The following PDZRN3 variants were observed in gnomAD, a reference collection of about 807,000 sequenced individuals.
PDZRN3 encodes the protein PDZ domain containing ring finger 3.
Under a neutral mutation model 85.7 loss-of-function variants are expected in PDZRN3, and 38 were observed. The observed-to-expected ratio is 0.44, with a 90% CI of 0.34 to 0.58. The LOEUF is 0.58. Among genes scored for constraint, PDZRN3 ranks in the 20% least tolerant of loss-of-function variants. The probability of loss-of-function intolerance (pLI) is 0.01; values close to 1 mark genes in which losing one functional copy is unlikely to be tolerated. For synonymous variants in PDZRN3, 759 were observed against 638.0 expected (o/e 1.19, Z -2.86); for missense variants, 1,629 against 1,506.4 (o/e 1.08, Z -1.35).
At chr3:73,406,628 C>A (rs1194242154) in intron 3 of PDZRN3, among the ~76,000 whole-genome samples, 1 of 152,178 alleles carries the variant, frequency 6.6e-6, no homozygotes, top group Non-Finnish European at 1.5e-5. Flanking sequence ...GTTATACCCA[C>A]AATGAATTCA....
chr3:73,562,982 A>ATT (rs1327799378), intron 3 of PDZRN3, among the ~76,000 whole-genome samples: 7 of 26,532 alleles, frequency 2.6e-4, no homozygotes, highest in Admixed American at 1.1e-3. Flanking sequence ...AAGTTGGCAA[A>ATT]TTATATATAT....
chr3:73,400,863 T>G, intron 5 of PDZRN3, 59 bp downstream of exon 5: 1 of 1,177,290 alleles, frequency 8.5e-7, no homozygotes, highest in Admixed American at 1.7e-5. Context: ...AGAGAACTTA[T>G]TAGGCATTCT....
intron 3 of PDZRN3, among the ~76,000 whole-genome samples, chr3:73,584,555 TATTA>T (rs937656879): frequency 1.3e-5 from 2 of 151,814 alleles, no homozygotes; most frequent in African/African-American, 2.4e-5. Flanking sequence ...ACAGAGAAAA[TATTA>T]ATTAAATTTA....
chr3:73,486,969 A>G (rs190042784), intron 3 of PDZRN3, among the ~76,000 whole-genome samples: 16 of 152,158 alleles, frequency 1.1e-4, no homozygotes, highest in African/African-American at 3.9e-4. Flanking sequence ...TTTTTGCTCC[A>G]AAGTTGGTGC....
Position 73,441,411 on chromosome 3 carries a change from CA to C in PDZRN3, c.919-37017del, listed in dbSNP as rs10656791. 6.4e-3 allele frequency among the ~76,000 whole-genome samples: 438 copies of C among 68,152 alleles called. 4 individuals carry two copies. The highest frequency in any genetic ancestry group is 8.8e-3 in the Non-Finnish European group (354 of 40,326). 44.7% of individuals were successfully genotyped at this position (68,152 alleles called of 152,430 possible). On this transcript the variant is annotated intron_variant, in intron 3 of 9. Coordinates refer to ENST00000263666, the MANE Select transcript of PDZRN3 (RefSeq NM_015009.3). Reference sequence around the variant, plus strand: ...CTGGTGACATAGTGAGACTCTGTCCCAAAAAAAAAAAAAAAAAAAAAAGTAA... The same window carrying C: ...CTGGTGACATAGTGAGACTCTGTCCCAAAAAAAAAAAAAAAAAAAAAGTAA...
intron 3 of PDZRN3, among the ~76,000 whole-genome samples, chr3:73,473,664 A>G (rs1163467749): frequency 6.6e-6 from 1 of 152,196 alleles, no homozygotes; most frequent in Non-Finnish European, 1.5e-5. Context: ...TCTTTTCCTT[A>G]TATGATATAT....
intron 3 of PDZRN3, among the ~76,000 whole-genome samples, chr3:73,479,998 CTT>C (rs10535553): frequency 0.43 from 65,766 of 151,852 alleles, 15,079 homozygotes; most frequent in East Asian, 0.68. Context: ...CCAATAAACT[CTT>C]TTGTTTGTAA....
At chr3:73,434,071 C>T in intron 3 of PDZRN3, 6 of 464,398 alleles carry the variant, frequency 1.3e-5, no homozygotes, top group Non-Finnish European at 1.7e-5. Flanking sequence ...CTATTCATAA[C>T]AGACAATGAT....
chr3:73,555,619 G>A (rs1049432761), intron 3 of PDZRN3, among the ~76,000 whole-genome samples: 32 of 152,176 alleles, frequency 2.1e-4, no homozygotes, highest in Admixed American at 5.9e-4. Flanking sequence ...CTCAATCAAC[G>A]GCATGTGTAC....
chr3:73,492,289 G>T (rs1703785790), intron 3 of PDZRN3, among the ~76,000 whole-genome samples: 1 of 152,168 alleles, frequency 6.6e-6, no homozygotes, highest in Admixed American at 6.5e-5. Context: ...CTGTGGGCTT[G>T]TATCTCCTCC....
At chr3:73,536,316 A>G (rs934529987) in intron 3 of PDZRN3, among the ~76,000 whole-genome samples, 2 of 152,226 alleles carry the variant, frequency 1.3e-5, no homozygotes, top group African/African-American at 4.8e-5. Context: ...GTGTCCTTGT[A>G]GCCTGCCTGC....
intron 3 of PDZRN3, among the ~76,000 whole-genome samples, chr3:73,535,052 C>T (rs1248308850): frequency 1.3e-5 from 2 of 151,924 alleles, no homozygotes; most frequent in East Asian, 1.9e-4. Context: ...TGCCCCTTCT[C>T]GGGGGTTAAG....
intron 3 of PDZRN3, among the ~76,000 whole-genome samples, chr3:73,483,547 C>T (rs1298990442): frequency 1.3e-5 from 2 of 152,186 alleles, no homozygotes; most frequent in Non-Finnish European, 2.9e-5. Context: ...GGGAAAGTGG[C>T]TGCCACATAG....
At chr3:73,576,925 T>C (rs942096329) in intron 3 of PDZRN3, among the ~76,000 whole-genome samples, 1 of 152,178 alleles carries the variant, frequency 6.6e-6, no homozygotes, top group African/African-American at 2.4e-5. Flanking sequence ...ACAACCCACA[T>C]TCTCAAGACA....
At chr3:73,399,522 C>A (rs1701708197) in intron 5 of PDZRN3, among the ~76,000 whole-genome samples, 1 of 152,188 alleles carries the variant, frequency 6.6e-6, no homozygotes, top group South Asian at 2.1e-4. Context: ...TATGAACCCC[C>A]TTTGGAAGGA....
At chr3:73,389,173 G>A (rs992980454) in intron 7 of PDZRN3, among the ~76,000 whole-genome samples, 6 of 151,990 alleles carry the variant, frequency 3.9e-5, no homozygotes, top group African/African-American at 1.4e-4. Flanking sequence ...GAGGTAGAAA[G>A]CTAAGCCTTG....
Position 73,383,036 on chromosome 3 carries a change from T to TAAAC in PDZRN3, c.*325_*328dup. The TAAAC allele has an allele frequency of 4.6e-6, 1 of 219,690 alleles. No individual in the cohort carries two copies. The highest frequency in any genetic ancestry group is 1.0e-4 in the East Asian group (1 of 9,694). The allele number at this position is 219,690 out of a possible 1,614,324, so 13.6% of individuals were successfully genotyped here. A position where few individuals can be genotyped will look rare whatever the true frequency, so the allele number is the denominator to read the frequency against. ...TTAACTTTTTTATATGAATATAGTTTAAACAAGTTATTCTGTGAAAGTATG... is the reference window on the plus strand; with the variant it reads ...TTAACTTTTTTATATGAATATAGTTTAAACAAACAAGTTATTCTGTGAAAGTATG... On this transcript the variant is annotated 3_prime_UTR_variant, in exon 10 of 10. Transcript: ENST00000263666.
At chr3:73,455,507 T>C (rs1022201607) in intron 3 of PDZRN3, among the ~76,000 whole-genome samples, 9 of 152,244 alleles carry the variant, frequency 5.9e-5, no homozygotes, top group Non-Finnish European at 1.2e-4. Flanking sequence ...TTGGCCATTA[T>C]GTGCCACTTA....
chr3:73,472,917 G>T (rs1703373929), intron 3 of PDZRN3, among the ~76,000 whole-genome samples: 1 of 152,144 alleles, frequency 6.6e-6, no homozygotes, highest in African/African-American at 2.4e-5. Context: ...ATACAAATAT[G>T]CATTCAAGAT....
Sources: gnomAD v4.1 joint callset for allele counts (sites outside exome capture counted in the v4.1 genomes callset) on GRCh38, gnomAD v4.1.1 for gene constraint, MANE v1.5 for transcripts, NCBI Gene and HGNC (gene_info 2026-07-23, HGNC 2026-07-21) for gene names.